FRAS1: variants seen among roughly 807,000 people sequenced by gnomAD.
FRAS1 encodes the protein Fraser extracellular matrix complex subunit 1, also known as extracellular matrix organizing protein FRAS1.
A neutral mutation model predicts 435.2 loss-of-function variants in FRAS1; 290 were observed. The ratio of observed to expected loss-of-function variants is 0.67; its 90% confidence interval spans 0.61 to 0.73. The LOEUF is 0.73. Among genes scored for constraint, FRAS1 ranks in the 30% least tolerant of loss-of-function variants. The pLI is 0.00. For synonymous variants in FRAS1, 1,800 were observed against 1,851.0 expected, an observed-to-expected ratio of 0.97 and a Z score of 0.71; for missense variants, 4,860 against 5,001.5, an observed-to-expected ratio of 0.97 and a Z score of 0.85.
intron 47 of FRAS1, among the ~76,000 whole-genome samples, chr4:78,462,018 T>C (rs1340987083): frequency 6.6e-6 from 1 of 152,158 alleles, no homozygotes; most frequent in Non-Finnish European, 1.5e-5. Context: ...GGGTGATGAA[T>C]TGGTTCACTA....
chr4:78,521,621 A>G lies in FRAS1; in HGVS notation c.10639A>G (p.Lys3547Glu). Residue 3547 changes from lysine to glutamate, a missense_variant, in exon 68 of 74, where the codon AAA becomes GAA. Lys to Glu is a moderately conservative substitution (Grantham distance 56, BLOSUM62 1). Transcript: ENST00000512123. ...RLVIEFKTHA[K>E]FRGQFVMEHH... ...TGTCATTGAATTCAAGACCCATGCC[A>G]AATTCAGAGGTAATATCAATGCCGT... The G allele has an allele frequency of 6.2e-7, 1 of 1,603,728 alleles. No homozygotes were observed. The highest frequency in any genetic ancestry group is 8.5e-7 in the Non-Finnish European group (1 of 1,174,894).
rs71214395 is a variant in FRAS1 at position 78,094,104 on chromosome 4, GTTTTT to G, written c.108+28108_108+28112del. On this transcript the variant is annotated intron_variant, in intron 2 of 73. Transcript: ENST00000512123. ...GGTAAAATTATTTTTGAATAACCAAGTTTTTTTTTTTTTTTTTTTTTTTTGCAACT... is the reference window on the plus strand; with the variant it reads ...GGTAAAATTATTTTTGAATAACCAAGTTTTTTTTTTTTTTTTTTTGCAACT... Among the ~76,000 whole-genome samples the G allele has an allele frequency of 6.6e-3, 707 of 106,622 alleles. 1 individual carries two copies. Among genetic ancestry groups the G allele is most frequent in the Middle Eastern group, 0.017 (3 of 176 alleles). The allele number at this position is 106,622 out of a possible 152,430, so 69.9% of individuals were successfully genotyped here.
chr4:78,370,801 A>G (rs968718297), intron 23 of FRAS1, among the ~76,000 whole-genome samples: 5 of 152,194 alleles, frequency 3.3e-5, no homozygotes, highest in African/African-American at 1.2e-4. Flanking sequence ...CTCGGGGCTT[A>G]CACACTTTGA....
At chr4:78,080,510 C>T (rs1167218582) in intron 2 of FRAS1, among the ~76,000 whole-genome samples, 18 of 152,244 alleles carry the variant, frequency 1.2e-4, no homozygotes. Context: ...AGTGGAATAG[C>T]TTTTATCTTA....
intron 2 of FRAS1, among the ~76,000 whole-genome samples, chr4:78,082,873 GTTA>G (rs1740958484): frequency 6.6e-6 from 1 of 152,084 alleles, no homozygotes; most frequent in Non-Finnish European, 1.5e-5. Context: ...TTGGTTGTGA[GTTA>G]TTATAGTAAT....
intron 40 of FRAS1, among the ~76,000 whole-genome samples, chr4:78,440,017 CTTTTTTTTTTT>C (rs1163344254): frequency 7.5e-5 from 7 of 93,034 alleles, no homozygotes; most frequent in South Asian, 3.7e-4. Context: ...TAAGTCATTT[CTTTTTTTTTTT>C]TTTTTTTTTT....
intron 31 of FRAS1, among the ~76,000 whole-genome samples, chr4:78,410,473 G>T (rs1733289158): frequency 6.6e-6 from 1 of 151,744 alleles, no homozygotes; most frequent in African/African-American, 2.4e-5. Context: ...CTCACTGGAT[G>T]AAGACATCCA....
chr4:78,358,166 T>C (rs1730935350), intron 20 of FRAS1, among the ~76,000 whole-genome samples: 1 of 151,910 alleles, frequency 6.6e-6, no homozygotes, highest in African/African-American at 2.4e-5. Context: ...ATTATAGGAG[T>C]ATAGTAGCCA....
At chr4:78,376,016 G>T in intron 26 of FRAS1, 137 bp downstream of exon 26, 1 of 916,760 alleles carries the variant, frequency 1.1e-6, no homozygotes, top group East Asian at 2.6e-5. Flanking sequence ...GTGCTACTAA[G>T]GAGTAAGGGA....
chr4:78,387,799 A>T, intron 29 of FRAS1, 98 bp downstream of exon 29: 1 of 797,116 alleles, frequency 1.3e-6, no homozygotes, highest in Non-Finnish European at 1.9e-6. Context: ...AGATATGGGT[A>T]GTCATTCACT....
Position 78,190,613 on chromosome 4 carries a change from CCCCTTCCCTTCCCTTCCATT to C in FRAS1, c.109-46879_109-46860del, listed in dbSNP as rs375236126. ...TTCCATCCCCCATCCCCCCACCACA[CCCCTTCCCTTCCCTTCCATT>C]CCCTTCCCTTCCCTTCCCTTCCCAG... On this transcript the variant is annotated intron_variant, in intron 2 of 73. Coordinates refer to ENST00000512123, the MANE Select transcript of FRAS1 (RefSeq NM_025074.7). Among the ~76,000 whole-genome samples, 155 of 150,924 alleles carry C rather than the reference CCCCTTCCCTTCCCTTCCATT, an allele frequency of 1.0e-3. 1 individual carries two copies. Among genetic ancestry groups the C allele is most frequent in the African/African-American group, 3.6e-3 (149 of 41,080 alleles).
rs565170345 is a variant in FRAS1, at chr4:78,243,654, A to C, written c.217-1579A>C. Among the ~76,000 whole-genome samples, 263 of 19,908 alleles carry C rather than the reference A, an allele frequency of 0.013. No homozygotes were observed. The Non-Finnish European group carries it at 0.21, about 16-fold the overall frequency. The allele number at this position is 19,908 out of a possible 152,430, so 13.1% of individuals were successfully genotyped here. On this transcript the variant is annotated intron_variant, in intron 3 of 73. Coordinates refer to ENST00000512123, the MANE Select transcript of FRAS1 (RefSeq NM_025074.7). ...CTCCCCTCCCGCTACTGCCACTAGC[A>C]AATATATATATATATATATACACAC...
intron 2 of FRAS1, chr4:78,181,918 C>A: frequency 2.5e-6 from 4 of 1,609,596 alleles, no homozygotes; most frequent in South Asian, 1.1e-5. Context: ...CAACGCCACC[C>A]CTGCCGGCTT....
At chr4:78,462,136 G>A (rs1488947242) in intron 47 of FRAS1, among the ~76,000 whole-genome samples, 3 of 152,182 alleles carry the variant, frequency 2.0e-5, no homozygotes, top group Admixed American at 6.5e-5. Flanking sequence ...TTGGGAGGCC[G>A]AGGCAGGCGG....
At chr4:78,070,016 C>G (rs1467599055) in intron 2 of FRAS1, among the ~76,000 whole-genome samples, 4 of 152,042 alleles carry the variant, frequency 2.6e-5, no homozygotes, top group Non-Finnish European at 4.4e-5. Flanking sequence ...TGCCCACCCC[C>G]TCCCTGCCGC....
At chr4:78,194,347 G>T (rs911592238) in intron 2 of FRAS1, among the ~76,000 whole-genome samples, 3 of 152,164 alleles carry the variant, frequency 2.0e-5, no homozygotes, top group Non-Finnish European at 4.4e-5. Flanking sequence ...AGTTCTCCTG[G>T]CTAATATCCT....
At chr4:78,142,495 A>T (rs183896356) in intron 2 of FRAS1, among the ~76,000 whole-genome samples, 1 of 152,132 alleles carries the variant, frequency 6.6e-6, no homozygotes, top group Admixed American at 6.6e-5. Context: ...GAAATAGGTG[A>T]TACAAAAAGA....
chr4:78,133,991 G>A (rs1358514153), intron 2 of FRAS1, among the ~76,000 whole-genome samples: 1 of 142,208 alleles, frequency 7.0e-6, no homozygotes, highest in Non-Finnish European at 1.5e-5. Flanking sequence ...ATGGACTCTC[G>A]CACTGTCGCC....
At chr4:78,294,421 G>C (rs1728049999) in intron 14 of FRAS1, among the ~76,000 whole-genome samples, 1 of 152,206 alleles carries the variant, frequency 6.6e-6, no homozygotes, top group Non-Finnish European at 1.5e-5. Flanking sequence ...CACAGAGGAT[G>C]AGTAGAAGCT....
Sources: gnomAD v4.1 joint callset for allele counts (sites outside exome capture counted in the v4.1 genomes callset) on GRCh38, gnomAD v4.1.1 for gene constraint, MANE v1.5 for transcripts, NCBI Gene and HGNC (gene_info 2026-07-23, HGNC 2026-07-21) for gene names.